Variants in CUTC observed in about 807,000 individuals in gnomAD.
The protein encoded by CUTC is copper homeostasis protein cutC homolog.
CUTC carries 27 observed loss-of-function variants against 36.2 expected under a neutral mutation model. That is an observed-to-expected ratio of 0.75 (90% CI 0.55 to 1.03). The LOEUF (loss-of-function observed/expected upper bound fraction) is 1.03, where lower values mean the gene tolerates loss of function less well. CUTC is among the 50% of genes least tolerant of loss of function. CUTC has a pLI of 0.00. For missense variants in CUTC, 315 were observed against 343.5 expected, an observed-to-expected ratio of 0.92 and a Z score of 0.66; for synonymous variants, 114 against 118.3, an observed-to-expected ratio of 0.96 and a Z score of 0.24.
chr10:99,739,634 A>AAC (rs2037324250), intron 2 of CUTC, 76 bp from the exon 3 acceptor site: 1 of 1,336,998 alleles, frequency 7.5e-7, no homozygotes, highest in African/African-American at 1.5e-5. Context: ...ATTTGGAAAA[A>AAC]ATATATATAA....
chr10:99,748,673 G>A (rs757347308), intron 6 of CUTC, among the ~76,000 whole-genome samples: 5 of 152,104 alleles, frequency 3.3e-5, no homozygotes, highest in African/African-American at 9.7e-5. Context: ...ATGAAGGTTG[G>A]CAATAATTAG....
At chr10:99,734,218 C>G (rs989593417) in intron 1 of CUTC, among the ~76,000 whole-genome samples, 1 of 151,912 alleles carries the variant, frequency 6.6e-6, no homozygotes, top group African/African-American at 2.4e-5. Context: ...TACAGGCGCC[C>G]GCCACCACGC....
intron 6 of CUTC, among the ~76,000 whole-genome samples, chr10:99,749,864 TTTC>T (rs1403156167): frequency 6.6e-5 from 10 of 152,224 alleles, no homozygotes; most frequent in African/African-American, 2.4e-4. Flanking sequence ...TTGTCTCGTC[TTTC>T]TTGAATGTGT....
At chr10:99,751,562 C>G (rs557498857) in intron 7 of CUTC, among the ~76,000 whole-genome samples, 2 of 4,016 alleles carry the variant, frequency 5.0e-4, no homozygotes, top group African/African-American at 6.8e-4. Flanking sequence ...AAAAAAGTTA[C>G]ATTATTAAGT....
intron 2 of CUTC, among the ~76,000 whole-genome samples, chr10:99,739,364 G>A (rs1465394445): frequency 6.6e-6 from 1 of 152,120 alleles, no homozygotes; most frequent in Non-Finnish European, 1.5e-5. Context: ...GAAATATTAT[G>A]TTATTTTCTT....
At chr10:99,754,731 G>T (rs1167928103) in intron 8 of CUTC, 97 bp downstream of exon 8, 1 of 788,368 alleles carries the variant, frequency 1.3e-6, no homozygotes. Flanking sequence ...ATTAATCAAT[G>T]GAATATTGTG....
intron 5 of CUTC, among the ~76,000 whole-genome samples, chr10:99,745,178 A>C (rs1020352023): frequency 3.9e-5 from 6 of 152,200 alleles, no homozygotes; most frequent in Non-Finnish European, 1.5e-5. Context: ...GTCAAAAAAA[A>C]TTTTTTTACT....
intron 2 of CUTC, among the ~76,000 whole-genome samples, chr10:99,737,397 AC>A (rs1163938206): frequency 6.6e-6 from 1 of 152,244 alleles, no homozygotes; most frequent in Non-Finnish European, 1.5e-5. Flanking sequence ...GGAAGAAAAT[AC>A]AACATATGAT....
chr10:99,733,215 A>AGGAGAATCACTT (rs1200523216), intron 1 of CUTC, among the ~76,000 whole-genome samples: 1 of 152,190 alleles, frequency 6.6e-6, no homozygotes, highest in African/African-American at 2.4e-5. Context: ...AGGCTGAGGC[A>AGGAGAATCACTT]GGAGAATCAC....
chr10:99,754,875 C>T (rs905716549), intron 8 of CUTC, among the ~76,000 whole-genome samples: 1 of 152,114 alleles, frequency 6.6e-6, no homozygotes, highest in Admixed American at 6.5e-5. Flanking sequence ...GAACTTAGAC[C>T]AGTTAATAGT....
At chr10:99,739,836 G>A (rs556601230) in intron 3 of CUTC, 67 bp downstream of exon 3, 2 of 1,309,870 alleles carry the variant, frequency 1.5e-6, no homozygotes, top group South Asian at 1.3e-5. Flanking sequence ...CTGATAATCA[G>A]TTTCGTTGGG....
intron 1 of CUTC, 152 bp downstream of exon 1, chr10:99,732,561 G>C: frequency 6.9e-7 from 1 of 1,448,682 alleles, no homozygotes; most frequent in Non-Finnish European, 9.1e-7. Context: ...GGCGTTAAAG[G>C]TGTGGAAACG....
chr10:99,734,883 G>A (rs1181880942), intron 1 of CUTC, among the ~76,000 whole-genome samples: 1 of 151,926 alleles, frequency 6.6e-6, no homozygotes, highest in African/African-American at 2.4e-5. Context: ...CTGGCAGATC[G>A]CTTGAGTGCA....
chr10:99,750,135 T>TTG (rs1554843663), intron 6 of CUTC, among the ~76,000 whole-genome samples: 2 of 151,926 alleles, frequency 1.3e-5, no homozygotes, highest in African/African-American at 4.8e-5. Context: ...TGGCACTTAT[T>TTG]GGGGGGGAAA....
At chr10:99,748,717 G>A (rs1191786243) in intron 6 of CUTC, among the ~76,000 whole-genome samples, 1 of 152,182 alleles carries the variant, frequency 6.6e-6, no homozygotes, top group Non-Finnish European at 1.5e-5. Context: ...CATCCAGACT[G>A]CAGTGTTTTA....
chr10:99,732,441 G>C, intron 1 of CUTC, 32 bp downstream of exon 1: 1 of 1,548,682 alleles, frequency 6.5e-7, no homozygotes, highest in South Asian at 1.2e-5. Flanking sequence ...GGGACGGTCG[G>C]CCGAAGGCTC....
intron 1 of CUTC, 52 bp downstream of exon 1, chr10:99,732,461 G>T: frequency 6.5e-7 from 1 of 1,547,590 alleles, no homozygotes; most frequent in Non-Finnish European, 8.7e-7. Flanking sequence ...CCCCGGGGCG[G>T]GCCGGCGGGA....
chr10:99,737,112 A>G, intron 2 of CUTC, among the ~76,000 whole-genome samples: 1 of 152,124 alleles, frequency 6.6e-6, no homozygotes, highest in East Asian at 1.9e-4. Flanking sequence ...TCAACAAAAA[A>G]TAGAAAAATT....
chr10:99,744,257 G>A (rs78723870), intron 5 of CUTC, among the ~76,000 whole-genome samples, 185 bp downstream of exon 5: 3 of 152,296 alleles, frequency 2.0e-5, no homozygotes, highest in African/African-American at 4.8e-5. Flanking sequence ...TGAAGCCTTA[G>A]TTATGAAAAG....
Sources: gnomAD v4.1 joint callset for allele counts (sites outside exome capture counted in the v4.1 genomes callset) on GRCh38, gnomAD v4.1.1 for gene constraint, MANE v1.5 for transcripts, NCBI Gene and HGNC (gene_info 2026-07-23, HGNC 2026-07-21) for gene names.